Variants in RBM47 observed in about 807,000 individuals in gnomAD.
The protein encoded by RBM47 is RNA binding motif protein 47.
RBM47 carries 21 observed loss-of-function variants against 47.1 expected under a neutral mutation model. The ratio of observed to expected loss-of-function variants is 0.45; its 90% CI spans 0.32 to 0.64. The LOEUF (loss-of-function observed/expected upper bound fraction) is 0.64, where lower values mean the gene tolerates loss of function less well. RBM47 is among the 30% of genes least tolerant of loss of function. The pLI is 0.05. For missense variants in RBM47, 708 were observed against 870.9 expected (o/e 0.81, Z 2.35); for synonymous variants, 375 against 361.7 (o/e 1.04, Z -0.42).
chr4:40,513,289 T>G (rs1444441498), intron 2 of RBM47, among the ~76,000 whole-genome samples: 2 of 152,246 alleles, frequency 1.3e-5, no homozygotes, highest in Admixed American at 6.5e-5. Flanking sequence ...TCTTTCATAA[T>G]TGGTGAGCTC....
chr4:40,431,489 T>A (rs191251024), intron 6 of RBM47, among the ~76,000 whole-genome samples: 1 of 152,092 alleles, frequency 6.6e-6, no homozygotes, highest in Non-Finnish European at 1.5e-5. Context: ...AAACCCCGTC[T>A]CTACTAAAAA....
chr4:40,477,631 T>C (rs1577733780), intron 2 of RBM47, among the ~76,000 whole-genome samples: 1 of 152,160 alleles, frequency 6.6e-6, no homozygotes, highest in Admixed American at 6.5e-5. Flanking sequence ...TGTGCTCCTA[T>C]ACCAAATGCT....
chr4:40,606,979 T>A (rs1407906635), intron 1 of RBM47, among the ~76,000 whole-genome samples: 1 of 152,112 alleles, frequency 6.6e-6, no homozygotes, highest in Non-Finnish European at 1.5e-5. Context: ...CAAGACCCTG[T>A]CAGAAAAAAA....
intron 2 of RBM47, among the ~76,000 whole-genome samples, chr4:40,480,767 T>C (rs939464008): frequency 3.3e-5 from 5 of 152,148 alleles, no homozygotes; most frequent in African/African-American, 7.2e-5. Context: ...CACAGCAAAA[T>C]GTAGCATCTG....
chr4:40,561,539 CTTTTCTTTTTT>C (rs1171494057), intron 1 of RBM47, among the ~76,000 whole-genome samples: 2 of 135,338 alleles, frequency 1.5e-5, no homozygotes, highest in South Asian at 2.3e-4. Context: ...TTTGCTTCTT[CTTTTCTTTTTT>C]TTTTCTTTTT....
At chr4:40,624,998 C>T (rs1450979405) in intron 1 of RBM47, among the ~76,000 whole-genome samples, 1 of 151,752 alleles carries the variant, frequency 6.6e-6, no homozygotes, top group Non-Finnish European at 1.5e-5. Flanking sequence ...TACAGGCACC[C>T]GCCACTATGC....
At chr4:40,456,571 C>CTTTTTTTTTTTTTTTTTTTTTTTCCT (rs34320480) in intron 3 of RBM47, among the ~76,000 whole-genome samples, 1 of 112,578 alleles carries the variant, frequency 8.9e-6, no homozygotes, top group Non-Finnish European at 1.7e-5. Context: ...TTTCTTTTTT[C>CTTTTTTTTTTTTTTTTTTTTTTTCCT]TTTTTTTTTT....
chr4:40,560,986 C>T (rs1241110195), intron 1 of RBM47, among the ~76,000 whole-genome samples: 3 of 151,266 alleles, frequency 2.0e-5, no homozygotes, highest in Non-Finnish European at 4.4e-5. Context: ...AAAAAAGTTG[C>T]TGCTATTCCC....
At chr4:40,483,391 G>T (rs1231345280) in intron 2 of RBM47, among the ~76,000 whole-genome samples, 1 of 152,208 alleles carries the variant, frequency 6.6e-6, no homozygotes, top group African/African-American at 2.4e-5. Flanking sequence ...CAAGAAAGGG[G>T]CGGGGTAGCG....
In RBM47 at chr4:40,500,349, T is replaced by C. The variant is rs370576966; in HGVS notation, c.-154-33650A>G. 4.0e-5 allele frequency among the ~76,000 whole-genome samples: 6 copies of C among 151,606 alleles called. No individual in the cohort carries two copies. The East Asian group carries it at 9.7e-4, about 25-fold the overall frequency. ...AAAAAGGGCTGGACTCAGCGGCTCATGCCTGTAATCCCAGCACTTCGGGAG... is the reference window on the plus strand; with the variant it reads ...AAAAAGGGCTGGACTCAGCGGCTCACGCCTGTAATCCCAGCACTTCGGGAG... On this transcript the variant is annotated intron_variant, in intron 2 of 6. Transcript: ENST00000295971.
chr4:40,436,924 A>AC (rs1712532203), intron 4 of RBM47: 1 of 506,106 alleles, frequency 2.0e-6, no homozygotes, highest in Non-Finnish European at 3.8e-6. Flanking sequence ...TAGACTACCC[A>AC]CCACCCCCTC....
Position 40,432,806 on chromosome 4 carries a change from T to C in RBM47, c.1387A>G (p.Lys463Glu), listed in dbSNP as rs1711551607. ...YSMFPAAPAP[K>E]MIEDGKIHTV... ...TGGATTTTGCCATCTTCAATCATTT[T>C]AGGGGCTGGAGCTGCTGGAAACATG... Residue 463 changes from lysine (K) to glutamate (E), a missense_variant, in exon 6 of 7, where the codon AAA (lysine) becomes GAA (glutamate). By Grantham distance (56) the Lys-to-Glu change is moderately conservative (BLOSUM62 1). Coordinates refer to ENST00000295971, the MANE Select transcript of RBM47 (RefSeq NM_001098634.2). 1 of 1,613,912 alleles carries C rather than the reference T, an allele frequency of 6.2e-7. No individual in the cohort carries two copies. The highest frequency in any genetic ancestry group is 1.7e-5 in the Admixed American group (1 of 59,972).
At chr4:40,436,056 C>T (rs113130484) in intron 5 of RBM47, among the ~76,000 whole-genome samples, 2 of 150,650 alleles carry the variant, frequency 1.3e-5, no homozygotes, top group African/African-American at 2.4e-5. Flanking sequence ...CCTGTAGTCC[C>T]AGCTATTCTG....
chr4:40,592,188 C>T (rs970342704), intron 1 of RBM47, among the ~76,000 whole-genome samples: 5 of 152,106 alleles, frequency 3.3e-5, no homozygotes, highest in African/African-American at 4.8e-5. Flanking sequence ...GGGGAATCAT[C>T]CGTTTGCAAT....
chr4:40,543,278 T>C (rs1035008025), intron 2 of RBM47: 6 of 152,142 alleles, frequency 3.9e-5, no homozygotes, highest in Admixed American at 3.9e-4. Context: ...CTCTGGGACA[T>C]AGCATGGAGT....
intron 2 of RBM47, among the ~76,000 whole-genome samples, chr4:40,497,041 C>CA (rs10631036): frequency 0.014 from 1,579 of 114,790 alleles, 32 homozygotes; most frequent in African/African-American, 0.032. Context: ...AACTCCATCT[C>CA]AAAAAAAAAA....
At chr4:40,553,665 G>A (rs1285518757) in intron 1 of RBM47, among the ~76,000 whole-genome samples, 2 of 152,220 alleles carry the variant, frequency 1.3e-5, no homozygotes, top group East Asian at 3.9e-4. Flanking sequence ...TCCATGATAA[G>A]GGACTTTTTC....
chr4:40,423,427 T>C lies in RBM47; in HGVS notation c.*2477A>G, dbSNP rs1280798125. Reference sequence around the variant, plus strand: ...TTGAAAACAGAACTCTAAAACTTTTTTTTTACATTTATATAGTTTGTTCTT... The same window carrying C: ...TTGAAAACAGAACTCTAAAACTTTTCTTTTACATTTATATAGTTTGTTCTT... On this transcript the variant is annotated 3_prime_UTR_variant, in exon 7 of 7. Transcript: ENST00000295971. 6.6e-6 allele frequency: 1 copy of C among 152,032 alleles called. No homozygotes were observed. The highest frequency in any genetic ancestry group is 1.5e-5 in the Non-Finnish European group (1 of 68,008). The allele number at this position is 152,032 out of a possible 1,614,324, so 9.4% of individuals were successfully genotyped here.
At chr4:40,604,423 A>G (rs978548937) in intron 1 of RBM47, among the ~76,000 whole-genome samples, 1 of 152,138 alleles carries the variant, frequency 6.6e-6, no homozygotes, top group Non-Finnish European at 1.5e-5. Flanking sequence ...CCAGGAGTTT[A>G]AAACCAGCCT....
Sources: gnomAD v4.1 joint callset for allele counts (sites outside exome capture counted in the v4.1 genomes callset) on GRCh38, gnomAD v4.1.1 for gene constraint, MANE v1.5 for transcripts, NCBI Gene and HGNC (gene_info 2026-07-23, HGNC 2026-07-21) for gene names.